Variants in GULP1 observed in about 807,000 individuals in gnomAD.
GULP1 encodes PTB domain-containing engulfment adapter protein 1.
GULP1 carries 19 observed loss-of-function variants against 40.9 expected under a neutral mutation model. The ratio of observed to expected loss-of-function variants is 0.46; its 90% CI spans 0.32 to 0.68. GULP1 has a LOEUF of 0.68. Among genes scored for constraint, GULP1 ranks in the 30% least tolerant of loss-of-function variants. The pLI is 0.03. For synonymous variants in GULP1, 119 were observed against 117.6 expected (o/e 1.01, Z -0.08); for missense variants, 312 against 362.2 (o/e 0.86, Z 1.12).
chr2:188,504,243 C>A (rs1400202250), intron 4 of GULP1, among the ~76,000 whole-genome samples: 1 of 151,920 alleles, frequency 6.6e-6, no homozygotes, highest in East Asian at 1.9e-4. Flanking sequence ...AAAACTGACA[C>A]GATGTCATGA....
At chr2:188,368,896 G>A (rs1445971971) in intron 1 of GULP1, among the ~76,000 whole-genome samples, 2 of 137,922 alleles carry the variant, frequency 1.5e-5, no homozygotes, top group African/African-American at 2.7e-5. Context: ...CTTTGAGAGT[G>A]TATTAATAGA....
chr2:188,550,311 G>A (rs1463470657), intron 7 of GULP1, among the ~76,000 whole-genome samples: 1 of 151,572 alleles, frequency 6.6e-6, no homozygotes, highest in Non-Finnish European at 1.5e-5. Context: ...TTAGAGGAAG[G>A]CTTACCTTAG....
intron 10 of GULP1, among the ~76,000 whole-genome samples, chr2:188,584,766 T>C (rs922821471): frequency 6.6e-6 from 1 of 152,084 alleles, no homozygotes; most frequent in African/African-American, 2.4e-5. Flanking sequence ...TTAATAGAGC[T>C]GGTTAAAATA....
intron 1 of GULP1, among the ~76,000 whole-genome samples, chr2:188,313,150 T>C (rs576995194): frequency 6.6e-6 from 1 of 152,304 alleles, no homozygotes; most frequent in East Asian, 1.9e-4. Flanking sequence ...AATTTTGGCT[T>C]TTGTTGCAAT....
intron 7 of GULP1, among the ~76,000 whole-genome samples, chr2:188,557,543 T>C (rs997964962): frequency 1.3e-5 from 2 of 152,238 alleles, no homozygotes; most frequent in Non-Finnish European, 2.9e-5. Context: ...TCCCAAGGTC[T>C]TGGGCAACTC....
At chr2:188,551,338 C>G (rs1471140239) in intron 7 of GULP1, among the ~76,000 whole-genome samples, 1 of 151,686 alleles carries the variant, frequency 6.6e-6, no homozygotes, top group Non-Finnish European at 1.5e-5. Context: ...ATTTATTCTT[C>G]TCAGGCTCTG....
intron 2 of GULP1, among the ~76,000 whole-genome samples, chr2:188,445,821 C>T (rs1230985479): frequency 6.6e-6 from 1 of 152,126 alleles, no homozygotes; most frequent in Non-Finnish European, 1.5e-5. Flanking sequence ...GGAGTTGAAG[C>T]AGGTTTTCTA....
rs553600992 is a variant in GULP1 at position 188,541,047 on chromosome 2, T to C, written c.262-134T>C. 26 of 732,470 alleles carry C rather than the reference T, an allele frequency of 3.5e-5. No individual in the cohort carries two copies. In the African/African-American group the frequency reaches 4.4e-4, roughly 12 times the overall value. 45.4% of individuals were successfully genotyped at this position (732,470 alleles called of 1,614,324 possible). A position where few individuals can be genotyped will look rare whatever the true frequency, so the allele number is the denominator to read the frequency against. Reference sequence around the variant, plus strand: ...TATGCCTTTGTTTTAGGTTGGGGTGTACATAATTATAAAATCAAAGATTGA... The same window carrying C: ...TATGCCTTTGTTTTAGGTTGGGGTGCACATAATTATAAAATCAAAGATTGA... On this transcript the variant is annotated intron_variant, in intron 6 of 11. Transcript: ENST00000409830.
chr2:188,410,051 G>A (rs981060386), intron 2 of GULP1, among the ~76,000 whole-genome samples: 1 of 152,122 alleles, frequency 6.6e-6, no homozygotes, highest in African/African-American at 2.4e-5. Flanking sequence ...CACATTTACA[G>A]TTAATTGATT....
At chr2:188,592,926 C>T (rs1418898136) in intron 11 of GULP1, 2 of 152,044 alleles carry the variant, frequency 1.3e-5, no homozygotes, top group African/African-American at 4.8e-5. Flanking sequence ...ACACTGCTAT[C>T]TGCATATTAT....
chr2:188,553,289 T>C (rs1176378458), intron 7 of GULP1, among the ~76,000 whole-genome samples: 1 of 151,940 alleles, frequency 6.6e-6, no homozygotes, highest in Non-Finnish European at 1.5e-5. Context: ...TCAACATTTC[T>C]TCCTTCAGTG....
chr2:188,459,231 A>T (rs1276578678), intron 2 of GULP1, among the ~76,000 whole-genome samples: 1 of 152,162 alleles, frequency 6.6e-6, no homozygotes, highest in Non-Finnish European at 1.5e-5. Context: ...TTGCTGGAAC[A>T]TATGGTAGCT....
chr2:188,394,937 A>G (rs1230430766), intron 2 of GULP1, among the ~76,000 whole-genome samples: 1 of 152,180 alleles, frequency 6.6e-6, no homozygotes, highest in Non-Finnish European at 1.5e-5. Context: ...AGCTTATCTC[A>G]TTCCCCTGTG....
rs1164481151 is a variant in GULP1 at position 188,514,040 on chromosome 2, AGTGTGTGTGTGTGTGT to A, written c.91-8688_91-8673del. Among the ~76,000 whole-genome samples the A allele has an allele frequency of 2.8e-3, 344 of 123,074 alleles. 2 individuals are homozygous for A. The highest frequency in any genetic ancestry group is 9.5e-3 in the African/African-American group (314 of 33,094). The allele number at this position is 123,074 out of a possible 152,430, so 80.7% of individuals were successfully genotyped here. A position where few individuals can be genotyped will look rare whatever the true frequency, so the allele number is the denominator to read the frequency against. ...GATCTGTCTAAATGGTCCCCTTCTG[AGTGTGTGTGTGTGTGT>A]GTGTGTGTGTGTGTGTGTGTGTGTG... is the stretch of plus-strand genomic sequence containing the variant. On this transcript the variant is annotated intron_variant, in intron 4 of 11. Transcript: ENST00000409830.
At chr2:188,458,691 A>G (rs1332196484) in intron 2 of GULP1, among the ~76,000 whole-genome samples, 1 of 152,038 alleles carries the variant, frequency 6.6e-6, no homozygotes, top group Non-Finnish European at 1.5e-5. Flanking sequence ...ATCTTATTAT[A>G]CTCTTAGCTA....
intron 4 of GULP1, among the ~76,000 whole-genome samples, chr2:188,489,324 G>A (rs1362878677): frequency 6.6e-6 from 1 of 151,932 alleles, no homozygotes; most frequent in Non-Finnish European, 1.5e-5. Context: ...GCAAACATAA[G>A]CACTTGCCAG....
At chr2:188,545,661 AAC>A (rs1488426020) in intron 7 of GULP1, among the ~76,000 whole-genome samples, 2 of 151,928 alleles carry the variant, frequency 1.3e-5, no homozygotes, top group African/African-American at 4.8e-5. Context: ...ATGAAAAGAA[AAC>A]AGAGAAAGAA....
intron 1 of GULP1, among the ~76,000 whole-genome samples, chr2:188,318,279 A>C (rs960555025): frequency 7.8e-6 from 1 of 128,100 alleles, no homozygotes; most frequent in African/African-American, 3.3e-5. Flanking sequence ...AAAAGTTGTA[A>C]AACATTTAGT....
At chr2:188,537,474 G>A (rs1445417519) in intron 6 of GULP1, among the ~76,000 whole-genome samples, 1 of 151,994 alleles carries the variant, frequency 6.6e-6, no homozygotes, top group Non-Finnish European at 1.5e-5. Context: ...CTGTTTTTAT[G>A]TTGAATTGTA....
Sources: gnomAD v4.1 joint callset for allele counts (sites outside exome capture counted in the v4.1 genomes callset) on GRCh38, gnomAD v4.1.1 for gene constraint, MANE v1.5 for transcripts, NCBI Gene and HGNC (gene_info 2026-07-23, HGNC 2026-07-21) for gene names.